Variants in DCAF5 observed in about 807,000 individuals in gnomAD.
DCAF5 encodes DDB1 and CUL4 associated factor 5, also known as DDB1- and CUL4-associated factor 5.
DCAF5 carries 9 observed loss-of-function variants against 80.7 expected under a neutral mutation model. That is an observed-to-expected ratio of 0.11 (90% CI 0.07 to 0.19). The LOEUF is 0.19. Among genes scored for constraint, DCAF5 ranks in the 10% least tolerant of loss-of-function variants. DCAF5 has a pLI of 1.00. For missense variants in DCAF5, 842 were observed against 1,205.7 expected, an observed-to-expected ratio of 0.70 and a Z score of 4.47; for synonymous variants, 433 against 461.9, an observed-to-expected ratio of 0.94 and a Z score of 0.80.
chr14:69,136,729 T>C (rs2041207807), intron 1 of DCAF5, among the ~76,000 whole-genome samples: 1 of 152,196 alleles, frequency 6.6e-6, no homozygotes, highest in Admixed American at 6.5e-5. Flanking sequence ...AAGATGCTAA[T>C]GGCATACACT....
At chr14:69,098,942 C>CT (rs1268382154) in intron 5 of DCAF5, among the ~76,000 whole-genome samples, 22 of 143,176 alleles carry the variant, frequency 1.5e-4, no homozygotes, top group African/African-American at 5.7e-4. Context: ...AAAACACTGA[C>CT]TTAAAACGTT....
At chr14:69,097,707 C>T (rs1413756313) in intron 5 of DCAF5, among the ~76,000 whole-genome samples, 1 of 151,770 alleles carries the variant, frequency 6.6e-6, no homozygotes, top group Non-Finnish European at 1.5e-5. Context: ...CTGCCTCAGC[C>T]TCCCCAGCAG....
chr14:69,075,612 G>A (rs757712316), intron 6 of DCAF5, among the ~76,000 whole-genome samples: 5 of 152,094 alleles, frequency 3.3e-5, no homozygotes, highest in Non-Finnish European at 7.4e-5. Context: ...CTCCAGAGTA[G>A]CTGGGACTAC....
At chr14:69,111,459 T>C (rs1429172302) in intron 5 of DCAF5, among the ~76,000 whole-genome samples, 1 of 152,188 alleles carries the variant, frequency 6.6e-6, no homozygotes, top group East Asian at 1.9e-4. Flanking sequence ...AAAACCACTC[T>C]CTTTATTATC....
At chr14:69,099,251 AACACACACACACACACACACAC>A (rs60913200) in intron 5 of DCAF5, among the ~76,000 whole-genome samples, 17 of 124,264 alleles carry the variant, frequency 1.4e-4, no homozygotes, top group South Asian at 6.1e-4. Flanking sequence ...ACTCTGTCTC[AACACACACACACACACACACAC>A]ACACACACAC....
Position 69,053,737 on chromosome 14 carries a change from T to C in DCAF5, c.*120A>G, listed in dbSNP as rs1271150911. The stretch of plus-strand genomic sequence containing the variant: ...GAAGGGAGCAGCATCAGACACAAAA[T>C]TTCAGGCCCTGGTTTCATGTGCCTT... On this transcript the variant is annotated 3_prime_UTR_variant, in exon 9 of 9. Transcript: ENST00000341516. 4.1e-6 allele frequency: 4 copies of C among 985,120 alleles called. No homozygotes were observed. In the South Asian group the frequency reaches 7.2e-5, roughly 18 times the overall value. 61.0% of individuals were successfully genotyped at this position (985,120 alleles called of 1,614,324 possible).
At position 69,143,538 on chromosome 14, in the gene DCAF5, A is replaced by C. The variant is rs919552968; in HGVS notation, c.214+9227T>G. ...AAATGACATCAAATATTAGCTATTT[A>C]AAAAATCTGTTAAACTTTTTTTTTT... On this transcript the variant is annotated intron_variant, in intron 1 of 8. Transcript: ENST00000341516. Among the ~76,000 whole-genome samples, 3 of 151,248 alleles carry C rather than the reference A, an allele frequency of 2.0e-5. No homozygotes were observed. The South Asian group carries it at 6.2e-4, about 31-fold the overall frequency.
Position 69,152,974 on chromosome 14 carries a change from T to C in DCAF5, c.5A>G (p.Lys2Arg). 1.3e-6 allele frequency: 2 copies of C among 1,584,652 alleles called. No individual in the cohort carries two copies. The highest frequency in any genetic ancestry group is 1.7e-6 in the Non-Finnish European group (2 of 1,168,174). The stretch of plus-strand genomic sequence containing the variant: ...GCTGCCCCCCAGGCCAGCTCTCCTC[T>C]TCATGCTGGAACCGCCGCCGCCGCC... The part of the protein sequence containing the change: M[K>R]RRAGLGGSMR... The change falls in exon 1 of 9, where the codon AAG becomes AGG. Residue 2 changes from lysine to arginine, a missense_variant. This residue lies in a region of DCAF5 where 28 missense variants were observed against 28.7 expected (regional missense o/e 0.98). Coordinates refer to ENST00000341516, the MANE Select transcript of DCAF5 (RefSeq NM_003861.3). The surrounding 1 kb of genome is among the most constrained non-coding windows in gnomAD (Gnocchi z 4.1).
At chr14:69,124,502 T>C (rs1045649875) in intron 1 of DCAF5, among the ~76,000 whole-genome samples, 2 of 152,238 alleles carry the variant, frequency 1.3e-5, no homozygotes, top group Non-Finnish European at 2.9e-5. Context: ...GTTTCTTGAA[T>C]TTCTTCTTCC....
chr14:69,061,031 G>T (rs2038196256), intron 8 of DCAF5, among the ~76,000 whole-genome samples: 1 of 150,714 alleles, frequency 6.6e-6, no homozygotes, highest in African/African-American at 2.4e-5. Context: ...TTTAAACAAG[G>T]GTCTCACTCT....
intron 1 of DCAF5, among the ~76,000 whole-genome samples, chr14:69,122,726 C>T (rs2040759177): frequency 1.3e-5 from 2 of 152,120 alleles, no homozygotes; most frequent in Non-Finnish European, 2.9e-5. Flanking sequence ...TTAATAGAAC[C>T]TGAGATGACT....
chr14:69,091,824 G>A lies in DCAF5; in HGVS notation c.729C>T (p.Ser243=). ...TCAGGGCCAGGAGCTGGGTCCCGTT[G>A]CTGTTGAATCGTACACTCATGGCAC... ...LQSAMSVRFN[S]NGTQLLALRR... Residue 243 remains serine (S), a synonymous_variant, in exon 6 of 9, where the codon AGC becomes AGT. Coordinates refer to ENST00000341516, the MANE Select transcript of DCAF5 (RefSeq NM_003861.3). The A allele has an allele frequency of 6.2e-7, 1 of 1,614,142 alleles. No homozygotes were observed. The highest frequency in any genetic ancestry group is 8.5e-7 in the Non-Finnish European group (1 of 1,180,016).
intron 1 of DCAF5, among the ~76,000 whole-genome samples, chr14:69,138,403 A>G (rs538742655): frequency 2.6e-5 from 4 of 152,346 alleles, no homozygotes; most frequent in African/African-American, 9.6e-5. Context: ...CCAGAGTGAC[A>G]GTTGGCCTCC....
intron 1 of DCAF5, among the ~76,000 whole-genome samples, chr14:69,129,104 C>A (rs1014285589): frequency 6.6e-6 from 1 of 152,156 alleles, no homozygotes; most frequent in Non-Finnish European, 1.5e-5. Flanking sequence ...TTGCCTAGTA[C>A]TCAGTAATTC....
intron 1 of DCAF5, among the ~76,000 whole-genome samples, chr14:69,135,941 T>G (rs2041178242): frequency 6.6e-6 from 1 of 152,160 alleles, no homozygotes; most frequent in Non-Finnish European, 1.5e-5. Flanking sequence ...TCAATGGATT[T>G]TAATGTAACA....
chr14:69,109,452 T>C (rs1001087009), intron 5 of DCAF5, among the ~76,000 whole-genome samples: 3 of 152,166 alleles, frequency 2.0e-5, no homozygotes, highest in African/African-American at 7.2e-5. Context: ...CAGATCAAGA[T>C]ATAGAACCCC....
chr14:69,087,012 T>C (rs779640667), intron 6 of DCAF5, among the ~76,000 whole-genome samples: 12 of 152,178 alleles, frequency 7.9e-5, no homozygotes, highest in Non-Finnish European at 1.5e-4. Context: ...AGACCAGGCA[T>C]CATATGAGAC....
intron 5 of DCAF5, among the ~76,000 whole-genome samples, chr14:69,109,722 C>T (rs546730542): frequency 2.0e-4 from 30 of 151,994 alleles, no homozygotes; most frequent in South Asian, 8.3e-4. Flanking sequence ...TTTCCATTTT[C>T]TTTTGATGGA....
chr14:69,098,754 C>T (rs1443083423), intron 5 of DCAF5, among the ~76,000 whole-genome samples: 1 of 146,888 alleles, frequency 6.8e-6, no homozygotes, highest in Non-Finnish European at 1.5e-5. Context: ...AAAAATTAGC[C>T]GGGCGTAGTG....
Sources: gnomAD v4.1 joint callset for allele counts (sites outside exome capture counted in the v4.1 genomes callset) on GRCh38, gnomAD v4.1.1 for gene constraint, gnomAD v4.1.1 regional missense constraint, Gnocchi (gnomAD v3.1) non-coding constraint, MANE v1.5 for transcripts, NCBI Gene and HGNC (gene_info 2026-07-23, HGNC 2026-07-21) for gene names.